The following COMMD1 variants were observed in gnomAD, a reference collection of about 807,000 sequenced individuals.
COMMD1 encodes the protein copper metabolism domain containing 1, also known as COMM domain-containing protein 1.
COMMD1 carries 10 observed loss-of-function variants against 17.2 expected under a neutral mutation model. That is an observed-to-expected ratio of 0.58 (90% CI 0.36 to 0.99). The LOEUF (loss-of-function observed/expected upper bound fraction) is 0.99, where lower values mean the gene tolerates loss of function less well. Ranked by LOEUF, COMMD1 falls within the 50% of genes least tolerant of loss-of-function variation. The pLI is 0.01. For synonymous variants in COMMD1, 97 were observed against 91.6 expected, an observed-to-expected ratio of 1.06 and a Z score of -0.34; for missense variants, 270 against 231.8, an observed-to-expected ratio of 1.17 and a Z score of -1.07.
At chr2:62,106,437 C>T (rs1168337879) in intron 2 of COMMD1, among the ~76,000 whole-genome samples, 1 of 152,214 alleles carries the variant, frequency 6.6e-6, no homozygotes, top group Non-Finnish European at 1.5e-5. Context: ...ACCCTGTCAT[C>T]TTACCTAAAG....
intron 2 of COMMD1, among the ~76,000 whole-genome samples, chr2:62,091,076 C>CT: frequency 6.6e-6 from 1 of 152,284 alleles, no homozygotes; most frequent in Non-Finnish European, 1.5e-5. Context: ...TAGGCCATTG[C>CT]TTCATAGCCA....
chr2:61,893,812 A>C (rs960680042), intron 1 of COMMD1, among the ~76,000 whole-genome samples: 3 of 146,662 alleles, frequency 2.0e-5, no homozygotes, highest in Non-Finnish European at 4.5e-5. Flanking sequence ...CTCCATCTCA[A>C]AAAAAAAAAA....
At chr2:62,012,948 G>A (rs954834017) in intron 2 of COMMD1, among the ~76,000 whole-genome samples, 1 of 152,104 alleles carries the variant, frequency 6.6e-6, no homozygotes, top group Non-Finnish European at 1.5e-5. Context: ...GCAGCCCCAG[G>A]AAGATCTGGG....
intron 2 of COMMD1, among the ~76,000 whole-genome samples, chr2:62,049,479 G>T (rs991028763): frequency 1.3e-5 from 2 of 152,160 alleles, no homozygotes; most frequent in Non-Finnish European, 2.9e-5. Context: ...CTCGGGGCAT[G>T]CTACTGATAT....
At chr2:61,967,687 G>C (rs1048006703) in intron 1 of COMMD1, among the ~76,000 whole-genome samples, 1 of 152,170 alleles carries the variant, frequency 6.6e-6, no homozygotes, top group Non-Finnish European at 1.5e-5. Context: ...CAAATTCTGC[G>C]AGTATTCCAA....
upstream of COMMD1, among the ~76,000 whole-genome samples, chr2:61,904,077 C>G (rs943496239): frequency 2.6e-5 from 4 of 152,106 alleles, no homozygotes; most frequent in Admixed American, 6.5e-5. Flanking sequence ...GTGGCGTGAT[C>G]TCGGCTCACT....
chr2:61,903,680 G>A (rs1488398887), upstream of COMMD1, among the ~76,000 whole-genome samples: 2 of 151,712 alleles, frequency 1.3e-5, no homozygotes, highest in South Asian at 2.1e-4. Context: ...AGCCTCCCGA[G>A]TAGCTGGGAC....
At chr2:62,032,184 A>G (rs1299138560) in intron 2 of COMMD1, among the ~76,000 whole-genome samples, 1 of 152,172 alleles carries the variant, frequency 6.6e-6, no homozygotes, top group Non-Finnish European at 1.5e-5. Flanking sequence ...TCCAGCATGT[A>G]TGAATTTTGT....
intron 1 of COMMD1, among the ~76,000 whole-genome samples, chr2:61,997,894 C>T (rs891306674): frequency 2.0e-5 from 3 of 152,128 alleles, no homozygotes; most frequent in African/African-American, 7.2e-5. Context: ...TATCTTTTTC[C>T]GATATATGGC....
intron 1 of COMMD1, chr2:61,918,627 G>C (rs1202697589): frequency 6.6e-6 from 1 of 152,124 alleles, no homozygotes; most frequent in East Asian, 1.9e-4. Context: ...TGGGTAAGGA[G>C]ATTTTAAAGG....
intron 1 of COMMD1, among the ~76,000 whole-genome samples, chr2:61,940,710 C>G (rs1670721630): frequency 6.7e-6 from 1 of 149,964 alleles, no homozygotes; most frequent in South Asian, 2.1e-4. Context: ...TTTTTTGAGG[C>G]AGAGTCTCTG....
intron 2 of COMMD1, among the ~76,000 whole-genome samples, chr2:62,042,586 G>C (rs971978893): frequency 1.3e-5 from 2 of 152,118 alleles, no homozygotes; most frequent in Non-Finnish European, 2.9e-5. Context: ...CGCAGCCCCG[G>C]CTCCCGCCCG....
intron 1 of COMMD1, among the ~76,000 whole-genome samples, chr2:61,963,046 G>C (rs1004872123): frequency 1.3e-5 from 2 of 151,488 alleles, no homozygotes; most frequent in Non-Finnish European, 2.9e-5. Context: ...TATAATCTCA[G>C]CTACTCGGGA....
chr2:62,109,040 T>C (rs1672386885), intron 2 of COMMD1, among the ~76,000 whole-genome samples: 1 of 152,226 alleles, frequency 6.6e-6, no homozygotes, highest in Non-Finnish European at 1.5e-5. Context: ...CTACTTGGCC[T>C]GTCTGCCCCA....
At chr2:62,001,095 C>A in intron 2 of COMMD1, 113 bp downstream of exon 2, 1 of 1,043,080 alleles carries the variant, frequency 9.6e-7, no homozygotes, top group Non-Finnish European at 1.4e-6. Context: ...GACACTGTTT[C>A]CTAGAATCCT....
intron 2 of COMMD1, among the ~76,000 whole-genome samples, chr2:62,086,582 T>C (rs1186893898): frequency 6.6e-6 from 1 of 152,030 alleles, no homozygotes; most frequent in Non-Finnish European, 1.5e-5. Context: ...TTCTGGTAGG[T>C]GCTTAATAAA....
rs529311822 is a variant in COMMD1 at position 62,058,652 on chromosome 2, T to A, written c.462+57670T>A. ...TACTTGAGAGGCTGAGGTAAGAGGATTGCTTGGGCCTGGAAGGTCAAGGCT... is the reference window on the plus strand; with the variant it reads ...TACTTGAGAGGCTGAGGTAAGAGGAATGCTTGGGCCTGGAAGGTCAAGGCT... On this transcript the variant is annotated intron_variant, in intron 2 of 2. Coordinates refer to ENST00000311832, the MANE Select transcript of COMMD1 (RefSeq NM_152516.4). Among the ~76,000 whole-genome samples the A allele has an allele frequency of 8.7e-4, 133 of 152,160 alleles. 1 individual carries two copies. The highest frequency in any genetic ancestry group is 1.7e-3 in the Non-Finnish European group (114 of 67,978).
At chr2:61,970,442 T>G (rs1319695570) in intron 1 of COMMD1, among the ~76,000 whole-genome samples, 1 of 152,138 alleles carries the variant, frequency 6.6e-6, no homozygotes, top group African/African-American at 2.4e-5. Context: ...GGTATTTGCA[T>G]ATAACCAAAA....
intron 2 of COMMD1, among the ~76,000 whole-genome samples, chr2:62,030,196 C>T (rs1212990997): frequency 6.6e-6 from 1 of 152,126 alleles, no homozygotes; most frequent in Non-Finnish European, 1.5e-5. Flanking sequence ...CACAGTGAAA[C>T]AAGGTAGGTC....
Sources: gnomAD v4.1 joint callset for allele counts (sites outside exome capture counted in the v4.1 genomes callset) on GRCh38, gnomAD v4.1.1 for gene constraint, MANE v1.5 for transcripts, NCBI Gene and HGNC (gene_info 2026-07-23, HGNC 2026-07-21) for gene names.